The following CADPS2 variants were observed in gnomAD, a reference collection of about 807,000 sequenced individuals.
CADPS2 encodes calcium-dependent secretion activator 2.
A neutral mutation model predicts 172.5 loss-of-function variants in CADPS2; 93 were observed. The observed-to-expected ratio is 0.54, with a 90% confidence interval of 0.46 to 0.64. The LOEUF (loss-of-function observed/expected upper bound fraction) is 0.64, where lower values mean the gene tolerates loss of function less well. Among genes scored for constraint, CADPS2 ranks in the 30% least tolerant of loss-of-function variants. CADPS2 has a pLI of 0.00. For synonymous variants in CADPS2, 546 were observed against 555.2 expected (o/e 0.98, Z 0.23); for missense variants, 1,420 against 1,565.9 (o/e 0.91, Z 1.57).
intron 2 of CADPS2, among the ~76,000 whole-genome samples, chr7:122,720,538 G>C (rs1588719651): frequency 6.6e-6 from 1 of 151,010 alleles, no homozygotes; most frequent in Admixed American, 6.6e-5. Flanking sequence ...ATGCAGATAT[G>C]TATGTGTATG....
At chr7:122,485,518 C>T (rs1443728923) in intron 11 of CADPS2, among the ~76,000 whole-genome samples, 1 of 152,180 alleles carries the variant, frequency 6.6e-6, no homozygotes, top group African/African-American at 2.4e-5. Context: ...TCTATGACAG[C>T]TGAGAGAGGT....
intron 6 of CADPS2, among the ~76,000 whole-genome samples, chr7:122,607,421 C>G (rs2073721247): frequency 6.6e-6 from 1 of 152,130 alleles, no homozygotes; most frequent in African/African-American, 2.4e-5. Flanking sequence ...ATTTAGACCA[C>G]TCACTAATTT....
chr7:122,388,074 C>T (rs777480138), intron 23 of CADPS2, among the ~76,000 whole-genome samples: 2 of 152,062 alleles, frequency 1.3e-5, no homozygotes, highest in African/African-American at 2.4e-5. Flanking sequence ...TATGAAGCCT[C>T]ATAACTTATT....
At chr7:122,647,986 C>T (rs2078742976) in intron 3 of CADPS2, among the ~76,000 whole-genome samples, 1 of 152,146 alleles carries the variant, frequency 6.6e-6, no homozygotes, top group African/African-American at 2.4e-5. Context: ...TCTAAACCCA[C>T]CTCAATAAGG....
intron 17 of CADPS2, among the ~76,000 whole-genome samples, chr7:122,429,987 A>C (rs950250784): frequency 1.3e-5 from 2 of 152,230 alleles, no homozygotes; most frequent in African/African-American, 4.8e-5. Context: ...TTAAATTAAA[A>C]CACCACCCAG....
At chr7:122,441,424 T>C (rs1586068977) in intron 16 of CADPS2, 88 bp downstream of exon 16, 16 of 767,390 alleles carry the variant, frequency 2.1e-5, no homozygotes, top group Non-Finnish European at 3.1e-5. Context: ...GAGCATAGAA[T>C]AACGGGGTCT....
chr7:122,490,095 G>C lies in CADPS2; in HGVS notation c.1838C>G (p.Ala613Gly). The change falls in exon 11 of 30, where the codon GCA becomes GGA. Residue 613 changes from alanine (A) to glycine (G), a missense_variant. Transcript: ENST00000449022. ...ACAAAACTTACAAAGCTGAGCATCT[G>C]CATGGAGAGTTCCTCCTTTAGGATT... ...KLNPKGGTLH[A>G]DAQLSGKDAD... is the part of the protein sequence containing the mutation. The C allele has an allele frequency of 4.3e-6, 7 of 1,613,214 alleles. No individual in the cohort carries two copies. Among genetic ancestry groups the C allele is most frequent in the Non-Finnish European group, 5.9e-6 (7 of 1,179,418 alleles).
intron 8 of CADPS2, among the ~76,000 whole-genome samples, chr7:122,528,107 ATTAGTG>A (rs1476164688): frequency 8.4e-6 from 1 of 119,514 alleles, no homozygotes; most frequent in African/African-American, 3.3e-5. Flanking sequence ...AGATGAAGGC[ATTAGTG>A]GTGGTGGTGG....
At chr7:122,568,023 T>C (rs543218427) in intron 7 of CADPS2, among the ~76,000 whole-genome samples, 88 of 152,234 alleles carry the variant, frequency 5.8e-4, no homozygotes, top group African/African-American at 1.8e-3. Flanking sequence ...CAATTATATG[T>C]TGCTTCAAGA....
chr7:122,875,515 T>C (rs576431164), intron 1 of CADPS2, among the ~76,000 whole-genome samples: 19 of 152,322 alleles, frequency 1.2e-4, no homozygotes, highest in African/African-American at 4.6e-4. Flanking sequence ...TTATTAGATA[T>C]ATAGCAAACT....
chr7:122,708,760 A>C (rs2088104551), intron 2 of CADPS2, among the ~76,000 whole-genome samples: 1 of 151,558 alleles, frequency 6.6e-6, no homozygotes, highest in Non-Finnish European at 1.5e-5. Flanking sequence ...ATTGAAAACA[A>C]TTTTTTCCTT....
chr7:122,557,397 T>A (rs2065164896), intron 7 of CADPS2, among the ~76,000 whole-genome samples: 1 of 152,148 alleles, frequency 6.6e-6, no homozygotes, highest in Admixed American at 6.6e-5. Context: ...TCACAGTGCC[T>A]GCCAGATAGG....
intron 1 of CADPS2, among the ~76,000 whole-genome samples, chr7:122,822,163 A>C (rs4731065): frequency 0.84 from 124,837 of 149,022 alleles, 53,001 homozygotes; most frequent in African/African-American, 0.95. Flanking sequence ...ATAATCTTTG[A>C]GGGCAGGACT....
chr7:122,767,052 A>C (rs1193729293), intron 1 of CADPS2, among the ~76,000 whole-genome samples: 1 of 152,196 alleles, frequency 6.6e-6, no homozygotes, highest in Non-Finnish European at 1.5e-5. Flanking sequence ...ATTGTATCCT[A>C]AAACAATAGT....
chr7:122,575,168 A>AGGGT (rs1208933551), intron 7 of CADPS2, among the ~76,000 whole-genome samples: 1 of 147,786 alleles, frequency 6.8e-6, no homozygotes, highest in Non-Finnish European at 1.5e-5. Flanking sequence ...AAATGTCATT[A>AGGGT]TAATAAAAGT....
At chr7:122,847,173 G>A (rs774267287) in intron 1 of CADPS2, among the ~76,000 whole-genome samples, 4 of 151,914 alleles carry the variant, frequency 2.6e-5, no homozygotes, top group Admixed American at 6.6e-5. Flanking sequence ...TGCAACCTCC[G>A]CCTCCTGGGT....
chr7:122,702,609 C>T (rs2086334263), intron 2 of CADPS2: 3 of 1,613,514 alleles, frequency 1.9e-6, no homozygotes, highest in Non-Finnish European at 1.7e-6. Context: ...TCATTTCCAA[C>T]CTGAAATGTT....
chr7:122,842,048 G>A lies in CADPS2; in HGVS notation c.339+43951C>T, dbSNP rs141248907. 4.8e-3 allele frequency among the ~76,000 whole-genome samples: 736 copies of A among 152,268 alleles called. 4 individuals carry two copies. Among genetic ancestry groups the A allele is most frequent in the Middle Eastern group, 0.01 (3 of 294 alleles). On this transcript the variant is annotated intron_variant, in intron 1 of 29. Transcript: ENST00000449022. ...CAGCTGAGTTGTTACCTCCTAGGCT[G>A]GAAAAGGAGAGATGAGGAGCAGCTC...
At chr7:122,877,814 T>C (rs1004541096) in intron 1 of CADPS2, among the ~76,000 whole-genome samples, 4 of 152,284 alleles carry the variant, frequency 2.6e-5, no homozygotes, top group African/African-American at 4.8e-5. Context: ...ATGTACTTTA[T>C]AGGCATCTCA....
Sources: allele counts gnomAD v4.1 joint callset (sites outside exome capture counted in the v4.1 genomes callset), GRCh38; gene constraint gnomAD v4.1.1; transcripts MANE v1.5; gene names NCBI Gene and HGNC (gene_info 2026-07-23, HGNC 2026-07-21).